Variants in RASA3 observed in about 807,000 individuals in gnomAD.
RASA3 encodes the protein ras GTPase-activating protein 3.
Under a neutral mutation model 110.0 loss-of-function variants are expected in RASA3, and 73 were observed. That is an observed-to-expected ratio of 0.66 (90% confidence interval 0.55 to 0.81). The LOEUF is 0.81. Among genes scored for constraint, RASA3 ranks in the 30% least tolerant of loss-of-function variants. The pLI is 0.00. For synonymous variants in RASA3, 500 were observed against 451.4 expected (o/e 1.11, Z -1.37); for missense variants, 976 against 1,113.2 (o/e 0.88, Z 1.75).
intron 3 of RASA3, among the ~76,000 whole-genome samples, chr13:114,042,631 C>T (rs1039594370): frequency 2.6e-5 from 4 of 152,238 alleles, no homozygotes; most frequent in African/African-American, 9.6e-5. Flanking sequence ...GCCTCCTACC[C>T]GGCCACCCTG....
Position 114,038,989 on chromosome 13 carries a change from C to T in RASA3, c.372+2011G>A, listed in dbSNP as rs142246105. Reference sequence around the variant, plus strand: ...AATAACCATCACAGCCACCAATTTACGATGCGCCAGGTGCCTTCGAGTGGC... The same window carrying T: ...AATAACCATCACAGCCACCAATTTATGATGCGCCAGGTGCCTTCGAGTGGC... On this transcript the variant is annotated intron_variant, in intron 4 of 23. Transcript: ENST00000334062. Among the ~76,000 whole-genome samples, 877 of 152,362 alleles carry T rather than the reference C, an allele frequency of 5.8e-3. 1 individual carries two copies. The highest frequency in any genetic ancestry group is 0.017 in the African/African-American group (697 of 41,582).
At chr13:114,015,383 C>A in intron 13 of RASA3, 51 bp from the exon 14 acceptor site, 1 of 1,601,450 alleles carries the variant, frequency 6.2e-7, no homozygotes, top group Non-Finnish European at 8.5e-7. Context: ...CCCACAGGTG[C>A]GTGTAGCACC....
chr13:114,106,606 A>ACCCAAGT (rs1264949879), intron 1 of RASA3, among the ~76,000 whole-genome samples: 112 of 152,310 alleles, frequency 7.4e-4, no homozygotes, highest in African/African-American at 2.6e-3. Context: ...AGAAATTCAC[A>ACCCAAGT]CCCAAGTCCC....
intron 9 of RASA3, among the ~76,000 whole-genome samples, chr13:114,020,421 G>C (rs562972157): frequency 6.6e-6 from 1 of 152,204 alleles, no homozygotes; most frequent in East Asian, 1.9e-4. Context: ...ATTCAGCATA[G>C]GAGGAAGCCT....
At chr13:114,022,301 G>A (rs911249041) in intron 8 of RASA3, among the ~76,000 whole-genome samples, 24 of 152,190 alleles carry the variant, frequency 1.6e-4, no homozygotes, top group African/African-American at 5.8e-4. Context: ...GTGAAATTCT[G>A]ACAGACATAC....
intron 23 of RASA3, 140 bp downstream of exon 23, chr13:113,981,524 AGGTGCCAGCCC>A: frequency 1.2e-6 from 1 of 846,462 alleles, no homozygotes. Flanking sequence ...GACTACCGCC[AGGTGCCAGCCC>A]GGTGCAAGTG....
intron 1 of RASA3, among the ~76,000 whole-genome samples, chr13:114,081,247 C>CA (rs369043941): frequency 2.0e-4 from 30 of 152,328 alleles, no homozygotes; most frequent in African/African-American, 7.0e-4. Context: ...TCCAGAGACT[C>CA]ACGCGTCCCG....
rs2052938594 is a variant in RASA3 at position 113,981,700 on chromosome 13, A to T, written c.2404T>A (p.Phe802Ile). The T allele has an allele frequency of 2.5e-6, 4 of 1,613,816 alleles. No individual in the cohort carries two copies. Among genetic ancestry groups the T allele is most frequent in the Non-Finnish European group, 3.4e-6 (4 of 1,179,892 alleles). Residue 802 changes from phenylalanine (F) to isoleucine (I), a missense_variant, in exon 23 of 24, where the codon TTC becomes ATC. Phe to Ile is a conservative substitution (Grantham distance 21, BLOSUM62 0). Coordinates refer to ENST00000334062, the MANE Select transcript of RASA3 (RefSeq NM_007368.4). ...QEHAQYKRDK[F>I]KKTKYGSQEH... Reference sequence around the variant, plus strand: ...TGGCTTCCATATTTCGTCTTCTTGAACTTGTCCCTCTTATACTGGGCGTGC... The same window carrying T: ...TGGCTTCCATATTTCGTCTTCTTGATCTTGTCCCTCTTATACTGGGCGTGC...
intron 2 of RASA3, among the ~76,000 whole-genome samples, chr13:114,069,043 G>A (rs994877696): frequency 3.9e-5 from 6 of 152,198 alleles, no homozygotes; most frequent in South Asian, 2.1e-4. Context: ...TCGGACGCGC[G>A]GCCCAGGGGC....
intron 12 of RASA3, 122 bp from the exon 13 acceptor site, chr13:114,016,393 A>C: frequency 1.3e-6 from 1 of 741,506 alleles, no homozygotes; most frequent in Non-Finnish European, 2.4e-6. Flanking sequence ...AAATGCCACG[A>C]CAGCTCCCCG....
chr13:114,023,570 C>A (rs1035853498), intron 8 of RASA3, among the ~76,000 whole-genome samples: 6 of 152,224 alleles, frequency 3.9e-5, no homozygotes, highest in African/African-American at 1.4e-4. Context: ...GGGAACCCGC[C>A]GGGGTTTGTG....
At chr13:114,070,282 T>TGGAGC (rs1375833990) in intron 2 of RASA3, among the ~76,000 whole-genome samples, 1 of 151,066 alleles carries the variant, frequency 6.6e-6, no homozygotes, top group East Asian at 2.0e-4. Flanking sequence ...GGTGCCACCA[T>TGGAGC]GGAGCAAGGA....
intron 2 of RASA3, among the ~76,000 whole-genome samples, chr13:114,066,944 C>T (rs368125494): frequency 4.5e-4 from 66 of 147,572 alleles, no homozygotes; most frequent in African/African-American, 8.6e-4. Context: ...GGGCTGAGGA[C>T]GGGCCTCCCC....
At chr13:114,024,955 C>T (rs1305440443) in intron 7 of RASA3, among the ~76,000 whole-genome samples, 2 of 152,206 alleles carry the variant, frequency 1.3e-5, no homozygotes, top group South Asian at 2.1e-4. Context: ...GTCGAGGCTC[C>T]GGGACCGCCC....
chr13:114,015,236 G>A lies in RASA3; in HGVS notation c.1378C>T (p.Arg460Trp), dbSNP rs746359053. ...TGGAAGCGCTTGGCCGCCGCCTCCC[G>A]GAGGGAGAAGAAGATGTCACACATG... The part of the protein sequence containing the change: ...TVMCDIFFSL[R>W]EAAAKRFQDD... The change falls in exon 14 of 24, where the codon CGG becomes TGG. Residue 460 changes from arginine (R) to tryptophan (W), a missense_variant. Transcript: ENST00000334062. 1.2e-5 allele frequency: 19 copies of A among 1,612,988 alleles called. No homozygotes were observed. Among genetic ancestry groups the A allele is most frequent in the South Asian group, 2.2e-5 (2 of 91,094 alleles).
intron 11 of RASA3, 37 bp downstream of exon 11, chr13:114,018,067 C>T: frequency 6.8e-7 from 1 of 1,477,696 alleles, no homozygotes. Context: ...TGTAGCGGGT[C>T]CAGGCCGCTC....
chr13:114,039,466 G>A (rs1280347240), intron 4 of RASA3, among the ~76,000 whole-genome samples: 1 of 152,042 alleles, frequency 6.6e-6, no homozygotes, highest in African/African-American at 2.4e-5. Context: ...GAGGACCCAG[G>A]AAGCCGTCCG....
chr13:114,060,673 G>A (rs577570797), intron 2 of RASA3, among the ~76,000 whole-genome samples: 12 of 152,354 alleles, frequency 7.9e-5, no homozygotes, highest in Non-Finnish European at 1.5e-4. Context: ...GGCGAGAGGC[G>A]GGCAGGACGC....
At chr13:114,087,852 G>A (rs560963527) in intron 1 of RASA3, among the ~76,000 whole-genome samples, 4 of 152,380 alleles carry the variant, frequency 2.6e-5, no homozygotes, top group East Asian at 1.9e-4. Context: ...ATAATGAGCC[G>A]GGCGCGGTGG....
Sources: gnomAD v4.1 joint callset for allele counts (sites outside exome capture counted in the v4.1 genomes callset) on GRCh38, gnomAD v4.1.1 for gene constraint, MANE v1.5 for transcripts, NCBI Gene and HGNC (gene_info 2026-07-23, HGNC 2026-07-21) for gene names.